Variants in ARHGEF7 observed in about 807,000 individuals in gnomAD.
ARHGEF7 encodes PAK-interacting exchange factor beta.
Under a neutral mutation model 109.8 loss-of-function variants are expected in ARHGEF7, and 33 were observed. The observed-to-expected ratio is 0.30, with a 90% confidence interval of 0.23 to 0.40. The LOEUF (loss-of-function observed/expected upper bound fraction) is 0.40. Ranked by LOEUF, ARHGEF7 falls within the 10% of genes least tolerant of loss-of-function variation. The probability of loss-of-function intolerance (pLI) is 1.00; values close to 1 mark genes in which losing one functional copy is unlikely to be tolerated. For missense variants in ARHGEF7, 938 were observed against 1,098.5 expected, an observed-to-expected ratio of 0.85 and a Z score of 2.07; for synonymous variants, 458 against 424.6, an observed-to-expected ratio of 1.08 and a Z score of -0.97.
intron 2 of ARHGEF7, among the ~76,000 whole-genome samples, chr13:111,198,977 A>G (rs1435204978): frequency 6.6e-6 from 1 of 152,210 alleles, no homozygotes; most frequent in African/African-American, 2.4e-5. Context: ...TCGTTTTTAC[A>G]GAGTGCTGAT....
chr13:111,195,302 T>C (rs1327070546), intron 2 of ARHGEF7, among the ~76,000 whole-genome samples: 3 of 152,194 alleles, frequency 2.0e-5, no homozygotes, highest in Non-Finnish European at 4.4e-5. Flanking sequence ...TTCGTGTAGA[T>C]AATAGCTCCA....
intron 16 of ARHGEF7, among the ~76,000 whole-genome samples, chr13:111,284,270 C>T (rs1284476556): frequency 1.3e-5 from 2 of 152,168 alleles, no homozygotes; most frequent in Non-Finnish European, 2.9e-5. Context: ...GCCAAGGGAA[C>T]TGGAGCAGAC....
At chr13:111,217,650 T>A (rs2083299860) in intron 4 of ARHGEF7, 29 bp from the exon 5 acceptor site, 1 of 1,585,404 alleles carries the variant, frequency 6.3e-7, no homozygotes, top group East Asian at 2.2e-5. Context: ...CTTGGTATAA[T>A]TTTTCTCCCA....
In ARHGEF7 at chr13:111,305,637, C is replaced by T. The variant is rs2093634597; in HGVS notation, c.*2524C>T. The T allele has an allele frequency of 6.6e-6, 1 of 152,204 alleles. No homozygotes were observed. Among genetic ancestry groups the T allele is most frequent in the Non-Finnish European group, 1.5e-5 (1 of 68,038 alleles). The allele number at this position is 152,204 out of a possible 1,614,324, so 9.4% of individuals were successfully genotyped here. Reference sequence around the variant, plus strand: ...CCTGTTGACAAGTGTGGAGAAACTCCTAATTTAAATGTCACAGACAATGTC... The same window carrying T: ...CCTGTTGACAAGTGTGGAGAAACTCTTAATTTAAATGTCACAGACAATGTC... On this transcript the variant is annotated 3_prime_UTR_variant, in exon 22 of 22. Transcript: ENST00000646102.
intron 19 of ARHGEF7, among the ~76,000 whole-genome samples, chr13:111,296,322 A>G (rs1053178636): frequency 1.3e-5 from 2 of 152,204 alleles, no homozygotes; most frequent in African/African-American, 4.8e-5. Context: ...ACACATGTGT[A>G]CCAGCCTTCT....
At chr13:111,182,002 A>G (rs535764847) in intron 2 of ARHGEF7, 15 of 152,452 alleles carry the variant, frequency 9.8e-5, no homozygotes, top group Admixed American at 9.1e-4. Context: ...AAAAGCCTGC[A>G]GCATTGTGCA....
chr13:111,273,706 A>G lies in ARHGEF7; in HGVS notation c.1074-108A>G. 2 of 1,479,572 alleles carry G rather than the reference A, an allele frequency of 1.4e-6. No homozygotes were observed. Among genetic ancestry groups the G allele is most frequent in the Non-Finnish European group, 1.9e-6 (2 of 1,076,354 alleles). 91.7% of individuals were successfully genotyped at this position (1,479,572 alleles called of 1,614,324 possible). ...AAGCTGGAGCCTTCCAGATGTTAAAAGCAACACTTATGTTTCATAAATTCT... is the reference window on the plus strand; with the variant it reads ...AAGCTGGAGCCTTCCAGATGTTAAAGGCAACACTTATGTTTCATAAATTCT... On this transcript the variant is annotated intron_variant, in intron 9 of 21. Transcript: ENST00000646102. The surrounding 1 kb of genome is among the most constrained non-coding windows in gnomAD (Gnocchi z 4.5).
At position 111,228,543 on chromosome 13, in the gene ARHGEF7, G is replaced by A. The variant is rs1465439681; in HGVS notation, c.671-4662G>A. Among the ~76,000 whole-genome samples the A allele has an allele frequency of 1.3e-5, 2 of 152,160 alleles. No homozygotes were observed. Among genetic ancestry groups the A allele is most frequent in the African/African-American group, 2.4e-5 (1 of 41,436 alleles). ...GTCTATACGTGGTCATTCTCTGTAT[G>A]TTTATGTATATTTTTAAGTTTCTAA... On this transcript the variant is annotated intron_variant, in intron 5 of 21. Transcript: ENST00000646102. This position sits in a 1 kb window ranked among gnomAD's most constrained non-coding sequence, Gnocchi z 4.6.
intron 2 of ARHGEF7, among the ~76,000 whole-genome samples, chr13:111,170,042 C>T (rs1223840215): frequency 6.6e-6 from 1 of 150,884 alleles, no homozygotes; most frequent in Non-Finnish European, 1.5e-5. Context: ...GAGAAGGCCC[C>T]TCTGCAGAGG....
chr13:111,259,734 CAA>C (rs1450576350), intron 8 of ARHGEF7, among the ~76,000 whole-genome samples: 1 of 152,170 alleles, frequency 6.6e-6, no homozygotes, highest in Non-Finnish European at 1.5e-5. Context: ...CAAACATCCA[CAA>C]GCATGAAGTC....
At chr13:111,155,394 GTTGT>G (rs1381317089) in intron 2 of ARHGEF7, among the ~76,000 whole-genome samples, 1 of 152,212 alleles carries the variant, frequency 6.6e-6, no homozygotes, top group African/African-American at 2.4e-5. Flanking sequence ...TATTACTGGC[GTTGT>G]TTATGATTGT....
intron 5 of ARHGEF7, among the ~76,000 whole-genome samples, chr13:111,225,643 A>G (rs923568586): frequency 6.6e-6 from 1 of 151,254 alleles, no homozygotes; most frequent in Non-Finnish European, 1.5e-5. Flanking sequence ...GCTTTTCATT[A>G]TTGTATCCGT....
At chr13:111,297,518 T>C (rs556362783) in intron 19 of ARHGEF7, among the ~76,000 whole-genome samples, 5 of 152,368 alleles carry the variant, frequency 3.3e-5, no homozygotes, top group Admixed American at 1.3e-4. Context: ...ATGGAATGAC[T>C]TTTACCTTTA....
intron 1 of ARHGEF7, among the ~76,000 whole-genome samples, chr13:111,146,600 A>G (rs1400088567): frequency 1.3e-5 from 2 of 152,240 alleles, no homozygotes; most frequent in Non-Finnish European, 2.9e-5. Flanking sequence ...TTGAGATAAC[A>G]TTGAACCTGT....
Position 111,245,916 on chromosome 13 carries a change from A to C in ARHGEF7, c.950+1622A>C, listed in dbSNP as rs531787134. On this transcript the variant is annotated intron_variant, in intron 8 of 21. Transcript: ENST00000646102. The stretch of plus-strand genomic sequence containing the variant: ...CACATTTATTTAAGAACATGTTCCA[A>C]TATCAAATGGCAAATTTCAACAATG... Among the ~76,000 whole-genome samples, 6 of 152,366 alleles carry C rather than the reference A, an allele frequency of 3.9e-5. No homozygotes were observed. The South Asian group carries it at 1.2e-3, about 32-fold the overall frequency.
chr13:111,155,344 AT>A (rs1161892672), intron 2 of ARHGEF7, among the ~76,000 whole-genome samples: 1 of 152,254 alleles, frequency 6.6e-6, no homozygotes. Flanking sequence ...TGGAAAGTTT[AT>A]TTAATTGAAT....
At chr13:111,182,854 G>A (rs561678219) in intron 2 of ARHGEF7, among the ~76,000 whole-genome samples, 1 of 152,268 alleles carries the variant, frequency 6.6e-6, no homozygotes, top group African/African-American at 2.4e-5. Context: ...ACAGTGCTTC[G>A]AGTACCCATA....
At chr13:111,286,047 A>G (rs1042413641) in intron 16 of ARHGEF7, 100 bp from the exon 17 acceptor site, 9 of 836,258 alleles carry the variant, frequency 1.1e-5, no homozygotes, top group Non-Finnish European at 1.8e-5. Context: ...CAGTGGCTAT[A>G]ATAATTTGGG....
chr13:111,263,210 A>C (rs1362882071), intron 8 of ARHGEF7, among the ~76,000 whole-genome samples: 5 of 152,186 alleles, frequency 3.3e-5, no homozygotes, highest in African/African-American at 1.2e-4. Context: ...TTTATCTGCT[A>C]CTGAATTAAT....
Sources: gnomAD v4.1 joint callset for allele counts (sites outside exome capture counted in the v4.1 genomes callset) on GRCh38, gnomAD v4.1.1 for gene constraint, Gnocchi (gnomAD v3.1) non-coding constraint, MANE v1.5 for transcripts, NCBI Gene and HGNC (gene_info 2026-07-23, HGNC 2026-07-21) for gene names.